HAS2: variants seen among roughly 807,000 people sequenced by gnomAD.
HAS2 encodes hyaluronan synthase 2, also known as HA synthase 2.
Under a neutral mutation model 51.6 loss-of-function variants are expected in HAS2, and 16 were observed. The ratio of observed to expected loss-of-function variants is 0.31; its 90% confidence interval spans 0.21 to 0.47. The LOEUF is 0.47. HAS2 is among the 20% of genes least tolerant of loss of function. The pLI is 1.00. For synonymous variants in HAS2, 228 were observed against 235.5 expected, an observed-to-expected ratio of 0.97 and a Z score of 0.29; for missense variants, 361 against 662.6, an observed-to-expected ratio of 0.54 and a Z score of 5.00.
intron 1 of HAS2, among the ~76,000 whole-genome samples, chr8:121,630,001 G>A (rs2130446622): frequency 6.6e-6 from 1 of 152,150 alleles, no homozygotes; most frequent in Middle Eastern, 3.4e-3. Context: ...TTAGAATTGA[G>A]TATTTTTGAA....
intron 2 of HAS2, among the ~76,000 whole-genome samples, chr8:121,617,483 T>G (rs1429477439): frequency 6.6e-6 from 1 of 152,068 alleles, no homozygotes; most frequent in Non-Finnish European, 1.5e-5. Flanking sequence ...CTTGTCCCAG[T>G]TTGCCATAGA....
intron 2 of HAS2, among the ~76,000 whole-genome samples, chr8:121,618,698 A>T (rs1812738751): frequency 6.6e-6 from 1 of 152,214 alleles, no homozygotes; most frequent in South Asian, 2.1e-4. Context: ...TTGTCATGTG[A>T]TTAATCAGCT....
At chr8:121,615,230 T>C (rs1394917882) in intron 3 of HAS2, among the ~76,000 whole-genome samples, 192 bp from the exon 4 acceptor site, 1 of 152,232 alleles carries the variant, frequency 6.6e-6, no homozygotes, top group East Asian at 1.9e-4. Flanking sequence ...TGTTATGCTG[T>C]ATGCATGTGT....
intron 2 of HAS2, among the ~76,000 whole-genome samples, chr8:121,622,227 T>G (rs2130438284): frequency 6.6e-6 from 1 of 152,228 alleles, no homozygotes; most frequent in Non-Finnish European, 1.5e-5. Context: ...CCACAAATAC[T>G]TACTTAGTAA....
intron 1 of HAS2, among the ~76,000 whole-genome samples, chr8:121,638,156 C>T (rs1156704681): frequency 6.6e-6 from 1 of 152,114 alleles, no homozygotes; most frequent in Non-Finnish European, 1.5e-5. Flanking sequence ...AAAAATCTTA[C>T]CTAGTAAGGA....
At position 121,613,231 on chromosome 8, in the gene HAS2, T is replaced by C. The variant is rs570584209; in HGVS notation, c.*878A>G. ...TCTTAATGAAAAAATTGCACTACCT[T>C]TGGCCTTGATTTTCAACGATTTTTT... On this transcript the variant is annotated 3_prime_UTR_variant, in exon 4 of 4. Coordinates refer to ENST00000303924, the MANE Select transcript of HAS2 (RefSeq NM_005328.3). 6.6e-6 allele frequency: 1 copy of C among 152,356 alleles called. No homozygotes were observed. The highest frequency in any genetic ancestry group is 6.5e-5 in the Admixed American group (1 of 15,300). 9.4% of individuals were successfully genotyped at this position (152,356 alleles called of 1,614,324 possible). A position where few individuals can be genotyped will look rare whatever the true frequency, so the allele number is the denominator to read the frequency against.
chr8:121,621,641 C>A (rs1209288200), intron 2 of HAS2, among the ~76,000 whole-genome samples: 2 of 152,058 alleles, frequency 1.3e-5, no homozygotes, highest in African/African-American at 4.8e-5. Context: ...AATCTCTTAC[C>A]ACATGAACAA....
chr8:121,637,113 A>C (rs1813020126), intron 1 of HAS2, among the ~76,000 whole-genome samples: 2 of 152,210 alleles, frequency 1.3e-5, no homozygotes, highest in Admixed American at 6.5e-5. Flanking sequence ...GACATGTGAT[A>C]AACAATAGCT....
At position 121,614,710 on chromosome 8, in the gene HAS2, C is replaced by T. The variant is rs1342999981; in HGVS notation, c.1058G>A (p.Arg353His). 6.2e-7 allele frequency: 1 copy of T among 1,614,038 alleles called. No homozygotes were observed. The highest frequency in any genetic ancestry group is 8.5e-7 in the Non-Finnish European group (1 of 1,179,988). The change falls in exon 4 of 4, where the codon CGT becomes CAT. Residue 353 changes from arginine to histidine, a missense_variant. Physicochemically the swap from Arg to His is conservative, Grantham distance 29. This residue lies in a region of HAS2 where 106 missense variants were observed against 241.0 expected (regional missense o/e 0.44). Transcript: ENST00000303924. The surrounding 1 kb of genome is among the most constrained non-coding windows in gnomAD (Gnocchi z 7.2). ...EYLRWLNQQT[R>H]WSKSYFREWL... is the part of the protein sequence containing the mutation. ...TTCTCGGAAGTAGGACTTGCTCCAACGGGTCTGCTGGTTTAGCCATCTGAG... is the reference window on the plus strand; with the variant it reads ...TTCTCGGAAGTAGGACTTGCTCCAATGGGTCTGCTGGTTTAGCCATCTGAG...
chr8:121,640,178 G>C (rs1158107128), intron 1 of HAS2: 2 of 152,282 alleles, frequency 1.3e-5, no homozygotes, highest in Non-Finnish European at 2.9e-5. Context: ...AGTAAGCCCA[G>C]ACTGACGAGC....
chr8:121,638,165 G>A (rs931823968), intron 1 of HAS2, among the ~76,000 whole-genome samples: 5 of 152,142 alleles, frequency 3.3e-5, no homozygotes, highest in African/African-American at 4.8e-5. Flanking sequence ...ACCTAGTAAG[G>A]AAACCATGTA....
At chr8:121,638,357 T>C (rs1813041611) in intron 1 of HAS2, among the ~76,000 whole-genome samples, 1 of 152,224 alleles carries the variant, frequency 6.6e-6, no homozygotes, top group African/African-American at 2.4e-5. Flanking sequence ...CCTTAGAGTT[T>C]AATGCTAGTC....
chr8:121,613,326 G>C lies in HAS2; in HGVS notation c.*783C>G, dbSNP rs368158785. The C allele has an allele frequency of 9.2e-5, 14 of 152,088 alleles. No homozygotes were observed. The South Asian group carries it at 1.5e-3, about 16-fold the overall frequency. 9.4% of individuals were successfully genotyped at this position (152,088 alleles called of 1,614,324 possible). On this transcript the variant is annotated 3_prime_UTR_variant, in exon 4 of 4. Coordinates refer to ENST00000303924, the MANE Select transcript of HAS2 (RefSeq NM_005328.3). ...ATAGGTATATTGGCCTTTTCTAAAA[G>C]AAATAAAAACAAAAAGTTAAAATAT...
In HAS2 at chr8:121,629,148, A is replaced by G; in HGVS notation, c.193T>C (p.Phe65Leu). 1 of 1,614,144 alleles carries G rather than the reference A, an allele frequency of 6.2e-7. No homozygotes were observed. Among genetic ancestry groups the G allele is most frequent in the Non-Finnish European group, 8.5e-7 (1 of 1,179,982 alleles). The part of the protein sequence containing the change: ...SHLIIQSLFA[F>L]LEHRKMKKSL... ...TTTTTCATTTTTCGGTGCTCCAAAA[A>G]GGCAAACAGGCTTTGGATGATGAGG... The change falls in exon 2 of 4, where the codon TTT becomes CTT. Residue 65 changes from phenylalanine (F) to leucine (L), a missense_variant. By Grantham distance (22) the Phe-to-Leu change is conservative. Coordinates refer to ENST00000303924, the MANE Select transcript of HAS2 (RefSeq NM_005328.3).
chr8:121,636,089 G>C (rs941840133), intron 1 of HAS2, among the ~76,000 whole-genome samples: 13 of 152,196 alleles, frequency 8.5e-5, no homozygotes, highest in African/African-American at 2.4e-4. Context: ...ACTGATCTGT[G>C]GCTCCCACAT....
chr8:121,631,491 G>C (rs1812928229), intron 1 of HAS2, among the ~76,000 whole-genome samples: 1 of 152,166 alleles, frequency 6.6e-6, no homozygotes, highest in Non-Finnish European at 1.5e-5. Context: ...CAGTTAACCA[G>C]GAAGCGAAAA....
chr8:121,628,085 A>G (rs1812877706), intron 2 of HAS2, among the ~76,000 whole-genome samples: 1 of 152,218 alleles, frequency 6.6e-6, no homozygotes, highest in Non-Finnish European at 1.5e-5. Flanking sequence ...AAATGCTTTC[A>G]AAGGTCAAGT....
chr8:121,625,713 G>T (rs1465504558), intron 2 of HAS2, among the ~76,000 whole-genome samples: 1 of 138,162 alleles, frequency 7.2e-6, no homozygotes, highest in African/African-American at 2.8e-5. Context: ...TAGAGATGAG[G>T]TCTCCCTAAG....
Position 121,612,462 on chromosome 8 carries a change from G to A in HAS2, c.*1647C>T, listed in dbSNP as rs1316415908. On this transcript the variant is annotated 3_prime_UTR_variant, in exon 4 of 4. Coordinates refer to ENST00000303924, the MANE Select transcript of HAS2 (RefSeq NM_005328.3). ...GTAACATAGATGACTGCATAAAAAA[G>A]AGGCAGAAAGGCAGGAAGCCCATTT... The A allele has an allele frequency of 2.0e-5, 3 of 151,982 alleles. No individual in the cohort carries two copies. The highest frequency in any genetic ancestry group is 7.3e-5 in the African/African-American group (3 of 41,290). The allele number at this position is 151,982 out of a possible 1,614,324, so 9.4% of individuals were successfully genotyped here.
Sources: allele counts gnomAD v4.1 joint callset (sites outside exome capture counted in the v4.1 genomes callset), GRCh38; gene constraint gnomAD v4.1.1; regional missense constraint gnomAD v4.1.1; non-coding constraint Gnocchi (gnomAD v3.1); transcripts MANE v1.5; gene names NCBI Gene and HGNC (gene_info 2026-07-23, HGNC 2026-07-21).